The following MANBAL variants were observed in gnomAD, a reference collection of about 807,000 sequenced individuals.
MANBAL encodes the protein mannosidase beta like.
In MANBAL, 1 loss-of-function variant was observed where a neutral mutation model predicts 6.4. The observed-to-expected ratio is 0.16, with a 90% CI of 0.06 to 0.74. The LOEUF (loss-of-function observed/expected upper bound fraction) is 0.74. MANBAL is among the 30% of genes least tolerant of loss of function. The pLI is 0.78. For missense variants in MANBAL, 100 were observed against 107.8 expected, an observed-to-expected ratio of 0.93 and a Z score of 0.32; for synonymous variants, 47 against 45.8, an observed-to-expected ratio of 1.03 and a Z score of -0.10.
At chr20:37,295,489 G>A (rs1263178719) in intron 1 of MANBAL, among the ~76,000 whole-genome samples, 1 of 152,136 alleles carries the variant, frequency 6.6e-6, no homozygotes, top group Non-Finnish European at 1.5e-5. Context: ...CTTAAATAAA[G>A]TGCTGGCTAA....
In MANBAL at chr20:37,300,981, A is replaced by G. The variant is rs144989389; in HGVS notation, c.-56-227A>G. The stretch of plus-strand genomic sequence containing the variant: ...AACGTGGTGAAACCCTGTCTCTACT[A>G]AAAATACAAAAATCATCCAGGTGTG... On this transcript the variant is annotated intron_variant, in intron 1 of 2. Transcript: ENST00000373606. 1.0e-3 allele frequency among the ~76,000 whole-genome samples: 155 copies of G among 152,108 alleles called. 2 individuals carry two copies. The East Asian group carries it at 0.026, about 25-fold the overall frequency.
chr20:37,290,645 G>A (rs528657712), intron 1 of MANBAL, among the ~76,000 whole-genome samples: 42 of 152,122 alleles, frequency 2.8e-4, no homozygotes, highest in Non-Finnish European at 4.9e-4. Context: ...CTTTAGTAAA[G>A]ACAGGGTTTC....
rs573504098 is a variant in MANBAL, at chr20:37,311,776, C to T, written c.151-4532C>T. On this transcript the variant is annotated intron_variant, in intron 2 of 2. Coordinates refer to ENST00000373606, the MANE Select transcript of MANBAL (RefSeq NM_001003897.2). ...TGCTGGGATTACGGGCGTGAGCCACCGCGCCCGGCCTGTTGTCATTGTTTT... is the reference window on the plus strand; with the variant it reads ...TGCTGGGATTACGGGCGTGAGCCACTGCGCCCGGCCTGTTGTCATTGTTTT... 4.6e-5 allele frequency among the ~76,000 whole-genome samples: 7 copies of T among 152,316 alleles called. No homozygotes were observed. In the East Asian group the frequency reaches 1.2e-3, roughly 25 times the overall value.
rs148631352 is a variant in MANBAL at position 37,316,317 on chromosome 20, C to T, written c.160C>T (p.Pro54Ser). The T allele has an allele frequency of 6.2e-7, 1 of 1,613,294 alleles. No individual in the cohort carries two copies. The highest frequency in any genetic ancestry group is 1.3e-5 in the African/African-American group (1 of 74,890). The part of the protein sequence containing the change: ...IPKSHEAEAE[P>S]SEPRSAEVTR... The stretch of plus-strand genomic sequence containing the variant: ...TTTTATCACCTCACAGGAGGCTGAA[C>T]CGTCTGAGCCCAGAAGTGCTGAGGT... Residue 54 changes from proline to serine, a missense_variant, in exon 3 of 3, where the codon CCG becomes TCG. Coordinates refer to ENST00000373606, the MANE Select transcript of MANBAL (RefSeq NM_001003897.2).
chr20:37,316,466 C>T lies in MANBAL; in HGVS notation c.*51C>T. On this transcript the variant is annotated 3_prime_UTR_variant, in exon 3 of 3. Coordinates refer to ENST00000373606, the MANE Select transcript of MANBAL (RefSeq NM_001003897.2). Reference sequence around the variant, plus strand: ...GGCAGGGAGAGGGTCTTGGGGACAGCCCTCCTGGGAATCTACATTGTGTTC... The same window carrying T: ...GGCAGGGAGAGGGTCTTGGGGACAGTCCTCCTGGGAATCTACATTGTGTTC... 6.6e-7 allele frequency: 1 copy of T among 1,506,996 alleles called. No homozygotes were observed. 93.4% of individuals were successfully genotyped at this position (1,506,996 alleles called of 1,614,324 possible).
intron 1 of MANBAL, among the ~76,000 whole-genome samples, chr20:37,296,741 G>A (rs1396009905): frequency 6.6e-6 from 1 of 152,078 alleles, no homozygotes; most frequent in African/African-American, 2.4e-5. Context: ...TCACTTTTAT[G>A]GCTCTTGTTA....
Position 37,301,135 on chromosome 20 carries a change from CATAA to C in MANBAL, c.-56-46_-56-43del, listed in dbSNP as rs200477783. On this transcript the variant is annotated intron_variant, in intron 1 of 2. Transcript: ENST00000373606. ...TGGGCGACAGAGTGAGACTCCATCT[CATAA>C]ATAAATAAATAAATAAATAAATAAA... 5.1e-3 allele frequency: 4,720 copies of C among 928,530 alleles called. 121 individuals are homozygous for C. The Admixed American group carries it at 0.076, about 15-fold the overall frequency. The allele number at this position is 928,530 out of a possible 1,614,324, so 57.5% of individuals were successfully genotyped here. A position where few individuals can be genotyped will look rare whatever the true frequency, so the allele number is the denominator to read the frequency against.
intron 2 of MANBAL, among the ~76,000 whole-genome samples, chr20:37,313,326 G>C (rs1046046189): frequency 1.3e-5 from 2 of 151,772 alleles, no homozygotes; most frequent in African/African-American, 2.4e-5. Flanking sequence ...AGCCGAGATC[G>C]AGCCACTGCA....
chr20:37,311,053 A>G (rs1297916163), intron 2 of MANBAL, among the ~76,000 whole-genome samples: 2 of 152,198 alleles, frequency 1.3e-5, no homozygotes, highest in African/African-American at 4.8e-5. Flanking sequence ...TGCAGCTTGC[A>G]TGGGGCCGTC....
rs146283247 is a variant in MANBAL, at chr20:37,292,549, C to T, written c.-57+2863C>T. Among the ~76,000 whole-genome samples the T allele has an allele frequency of 9.9e-4, 151 of 152,310 alleles. 1 individual carries two copies. The highest frequency in any genetic ancestry group is 1.2e-3 in the Non-Finnish European group (82 of 68,032). On this transcript the variant is annotated intron_variant, in intron 1 of 2. Transcript: ENST00000373606. Reference sequence around the variant, plus strand: ...TCTTGACCTCAGGTGATCCACCTGCCTTGGCCTCCTGATTACAGGAATCCC... The same window carrying T: ...TCTTGACCTCAGGTGATCCACCTGCTTTGGCCTCCTGATTACAGGAATCCC...
intron 2 of MANBAL, among the ~76,000 whole-genome samples, chr20:37,310,112 T>C (rs1040957155): frequency 2.0e-5 from 3 of 152,114 alleles, no homozygotes; most frequent in African/African-American, 7.2e-5. Context: ...TCGTGCTGAA[T>C]TGTGTCTGGA....
chr20:37,305,856 A>C (rs150303956), intron 2 of MANBAL, among the ~76,000 whole-genome samples: 1 of 152,042 alleles, frequency 6.6e-6, no homozygotes, highest in African/African-American at 2.4e-5. Flanking sequence ...GAAACTCCTA[A>C]CTAGATAGAA....
At chr20:37,292,467 A>G (rs985803116) in intron 1 of MANBAL, among the ~76,000 whole-genome samples, 1 of 151,990 alleles carries the variant, frequency 6.6e-6, no homozygotes, top group Admixed American at 6.6e-5. Context: ...ATGGCTGGCT[A>G]ATTTTTGTAT....
chr20:37,291,042 A>G (rs2068855090), intron 1 of MANBAL, among the ~76,000 whole-genome samples: 1 of 152,246 alleles, frequency 6.6e-6, no homozygotes, highest in South Asian at 2.1e-4. Flanking sequence ...TTGGGAGATG[A>G]AGGCCTGTGG....
At chr20:37,305,863 A>G (rs2069247345) in intron 2 of MANBAL, among the ~76,000 whole-genome samples, 1 of 152,112 alleles carries the variant, frequency 6.6e-6, no homozygotes. Flanking sequence ...CTAACTAGAT[A>G]GAAAGGAAAC....
At chr20:37,312,261 A>G (rs1240224508) in intron 2 of MANBAL, among the ~76,000 whole-genome samples, 1 of 152,238 alleles carries the variant, frequency 6.6e-6, no homozygotes, top group Non-Finnish European at 1.5e-5. Context: ...CTTTAGTCAC[A>G]AACAAGGGGT....
intron 2 of MANBAL, among the ~76,000 whole-genome samples, chr20:37,309,609 C>A (rs1271929147): frequency 6.6e-6 from 1 of 152,140 alleles, no homozygotes; most frequent in East Asian, 1.9e-4. Context: ...CCAGAAAGCC[C>A]TGCAGTGTTT....
At chr20:37,291,246 G>A (rs1401114200) in intron 1 of MANBAL, among the ~76,000 whole-genome samples, 2 of 152,136 alleles carry the variant, frequency 1.3e-5, no homozygotes, top group Non-Finnish European at 2.9e-5. Context: ...TTCAGTGAGT[G>A]CCCATATAGC....
chr20:37,305,198 C>T (rs1433188236), intron 2 of MANBAL, among the ~76,000 whole-genome samples: 2 of 152,192 alleles, frequency 1.3e-5, no homozygotes, highest in Non-Finnish European at 1.5e-5. Context: ...TCCCTGCAGA[C>T]GTGGCATGCT....
Sources: gnomAD v4.1 joint callset for allele counts (sites outside exome capture counted in the v4.1 genomes callset) on GRCh38, gnomAD v4.1.1 for gene constraint, MANE v1.5 for transcripts, NCBI Gene and HGNC (gene_info 2026-07-23, HGNC 2026-07-21) for gene names.